PPP2R2D: variants seen among roughly 807,000 people sequenced by gnomAD.
The protein encoded by PPP2R2D is protein phosphatase 2 regulatory subunit Bdelta, also known as serine/threonine-protein phosphatase 2A 55 kDa regulatory subunit B delta isoform.
A neutral mutation model predicts 31.1 loss-of-function variants in PPP2R2D; 9 were observed. The ratio of observed to expected loss-of-function variants is 0.29; its 90% confidence interval spans 0.17 to 0.51. The LOEUF (loss-of-function observed/expected upper bound fraction) is 0.51. Ranked by LOEUF, PPP2R2D falls within the 20% of genes least tolerant of loss-of-function variation. PPP2R2D has a pLI of 0.98. For missense variants in PPP2R2D, 391 were observed against 465.6 expected (o/e 0.84, Z 1.48); for synonymous variants, 179 against 172.6 (o/e 1.04, Z -0.29).
Position 131,938,301 on chromosome 10 carries a change from C to T in PPP2R2D, c.199-1730C>T, listed in dbSNP as rs75278187. Among the ~76,000 whole-genome samples, 913 of 152,290 alleles carry T rather than the reference C, an allele frequency of 6.0e-3. 17 individuals are homozygous for T. The highest frequency in any genetic ancestry group is 0.021 in the African/African-American group (855 of 41,562). On this transcript the variant is annotated intron_variant, in intron 3 of 8. Coordinates refer to ENST00000455566, the MANE Select transcript of PPP2R2D (RefSeq NM_018461.5). Reference sequence around the variant, plus strand: ...AGCATATGTACTAAAGTGTTAAACACCTAAGATATTAGATATTGGTTATAG... The same window carrying T: ...AGCATATGTACTAAAGTGTTAAACATCTAAGATATTAGATATTGGTTATAG...
At position 131,947,485 on chromosome 10, in the gene PPP2R2D, C is replaced by T; in HGVS notation, c.821-45C>T. On this transcript the variant is annotated intron_variant, in intron 7 of 8. Transcript: ENST00000455566. This position sits in a 1 kb window ranked among gnomAD's most constrained non-coding sequence, Gnocchi z 4.3. Reference sequence around the variant, plus strand: ...CTTGAACTTGAAAATGATTTGTTCTCTGATTTTTAAACAGAAGCTGAAAAC... The same window carrying T: ...CTTGAACTTGAAAATGATTTGTTCTTTGATTTTTAAACAGAAGCTGAAAAC... 1.3e-6 allele frequency: 2 copies of T among 1,585,852 alleles called. No individual in the cohort carries two copies. Among genetic ancestry groups the T allele is most frequent in the South Asian group, 2.3e-5 (2 of 88,306 alleles).
intron 1 of PPP2R2D, 22 bp from the exon 2 acceptor site, chr10:131,901,216 G>C (rs1680551951): frequency 2.9e-6 from 1 of 345,538 alleles, no homozygotes; most frequent in East Asian, 4.3e-5. Context: ...CGGCCGGCCT[G>C]ACCGCCCCGT....
At chr10:131,968,237 TTATTTATATTCAGA>T in the PPP2R2D span, 3 of 233,348 alleles carry the variant, frequency 1.3e-5, no homozygotes, top group African/African-American at 2.2e-5. Context: ...TATATTAAAA[TTATTTATATTCAGA>T]TATTTATATC....
At chr10:131,948,932 C>A (rs1048962084) in intron 8 of PPP2R2D, among the ~76,000 whole-genome samples, 3 of 152,218 alleles carry the variant, frequency 2.0e-5, no homozygotes, top group Admixed American at 2.0e-4. Flanking sequence ...GTGGCCAGCA[C>A]TGCCCTGAGA....
intron 2 of PPP2R2D, among the ~76,000 whole-genome samples, chr10:131,931,860 TGGC>T (rs782268919): frequency 5.7e-4 from 86 of 152,158 alleles, no homozygotes; most frequent in Non-Finnish European, 9.3e-4. Flanking sequence ...CCCCTGGGGA[TGGC>T]GGCCGGTAGC....
At chr10:131,943,522 G>A (rs1363392961) in intron 5 of PPP2R2D, among the ~76,000 whole-genome samples, 3 of 152,154 alleles carry the variant, frequency 2.0e-5, no homozygotes, top group Non-Finnish European at 4.4e-5. Flanking sequence ...GGTTTGTGGG[G>A]TTTGCACCGA....
intron 2 of PPP2R2D, among the ~76,000 whole-genome samples, chr10:131,925,830 C>A (rs1435399988): frequency 7.2e-5 from 11 of 152,116 alleles, no homozygotes; most frequent in Non-Finnish European, 1.3e-4. Context: ...AGCAGGTTTC[C>A]CCCTCACAAA....
At chr10:131,915,546 G>T (rs974370713) in intron 2 of PPP2R2D, among the ~76,000 whole-genome samples, 1 of 152,142 alleles carries the variant, frequency 6.6e-6, no homozygotes, top group African/African-American at 2.4e-5. Context: ...CCCCAACTCC[G>T]TTGCCCGCAC....
At chr10:131,915,391 C>G (rs2035760262) in intron 2 of PPP2R2D, among the ~76,000 whole-genome samples, 1 of 152,058 alleles carries the variant, frequency 6.6e-6, no homozygotes, top group Non-Finnish European at 1.5e-5. Context: ...GGATAGGTTG[C>G]TTTTAGAATA....
chr10:131,957,689 C>G lies in PPP2R2D; in HGVS notation c.*1726C>G, dbSNP rs544418487. ...TGGAGATGAAGGGGTGTGCTGATCC[C>G]CCGTCCCCCTGTGGAGATGAAGGTG... is the stretch of plus-strand genomic sequence containing the variant. On this transcript the variant is annotated 3_prime_UTR_variant, in exon 9 of 9. Transcript: ENST00000455566. 3.5e-5 allele frequency: 6 copies of G among 169,734 alleles called. No homozygotes were observed. The East Asian group carries it at 5.8e-4, about 16-fold the overall frequency. The allele number at this position is 169,734 out of a possible 1,614,324, so 10.5% of individuals were successfully genotyped here.
chr10:131,960,161 C>T (rs560622457), downstream of PPP2R2D, among the ~76,000 whole-genome samples: 57 of 152,350 alleles, frequency 3.7e-4, no homozygotes, highest in South Asian at 0.011. Flanking sequence ...CACCTATGTC[C>T]GCAAAAAGCA....
chr10:131,924,786 C>T (rs1010025539), intron 2 of PPP2R2D, among the ~76,000 whole-genome samples: 7 of 149,578 alleles, frequency 4.7e-5, no homozygotes, highest in African/African-American at 1.7e-4. Flanking sequence ...GTTTTCCAAT[C>T]GTGACACAGG....
Position 131,945,762 on chromosome 10 carries a change from CT to C in PPP2R2D, c.820+307del, listed in dbSNP as rs2036527321. The C allele has an allele frequency of 7.0e-6, 2 of 286,572 alleles. No homozygotes were observed. The highest frequency in any genetic ancestry group is 4.7e-5 in the Admixed American group (1 of 21,130). The allele number at this position is 286,572 out of a possible 1,614,324, so 17.8% of individuals were successfully genotyped here. A position where few individuals can be genotyped will look rare whatever the true frequency, so the allele number is the denominator to read the frequency against. ...CACCGCACCTGGTCACGCCTGGCGT[CT>C]TTTAAAGCATCTCATTTAGAGCCAC... On this transcript the variant is annotated intron_variant, in intron 7 of 8. Transcript: ENST00000455566. The surrounding 1 kb of genome is among the most constrained non-coding windows in gnomAD (Gnocchi z 4.8).
chr10:131,934,598 C>T (rs782568385), intron 3 of PPP2R2D, 43 bp downstream of exon 3: 7 of 764,150 alleles, frequency 9.2e-6, no homozygotes, highest in Admixed American at 5.5e-5. Flanking sequence ...ATTATTCAAC[C>T]TTTCGCATAT....
intron 3 of PPP2R2D, among the ~76,000 whole-genome samples, chr10:131,937,094 C>T (rs1368452788): frequency 3.3e-5 from 5 of 152,164 alleles, no homozygotes; most frequent in East Asian, 1.9e-4. Context: ...GTCTTAGAAT[C>T]GAAGGAGCGT....
chr10:131,960,267 G>C (rs552811178), downstream of PPP2R2D, among the ~76,000 whole-genome samples: 1 of 152,340 alleles, frequency 6.6e-6, no homozygotes, highest in Admixed American at 6.5e-5. Flanking sequence ...GCTTAAAGTA[G>C]AACAGTGTCA....
chr10:131,933,594 C>T (rs944324823), intron 2 of PPP2R2D, among the ~76,000 whole-genome samples: 8 of 152,158 alleles, frequency 5.3e-5, no homozygotes, highest in African/African-American at 1.7e-4. Context: ...ATCCTCAGTC[C>T]GCACGCGACA....
intron 2 of PPP2R2D, among the ~76,000 whole-genome samples, chr10:131,914,854 G>A (rs569947828): frequency 1.2e-3 from 190 of 152,214 alleles, no homozygotes; most frequent in African/African-American, 4.4e-3. Flanking sequence ...GCACATTTCT[G>A]TATTATTTTA....
chr10:131,956,565 T>G lies in PPP2R2D; in HGVS notation c.*602T>G, dbSNP rs984699327. On this transcript the variant is annotated 3_prime_UTR_variant, in exon 9 of 9. Transcript: ENST00000455566. ...TTAAATCCAAACAGAAGTATTGTCTTTTTATTTAATTTTATTGCATAGAAT... is the reference window on the plus strand; with the variant it reads ...TTAAATCCAAACAGAAGTATTGTCTGTTTATTTAATTTTATTGCATAGAAT... The G allele has an allele frequency of 1.9e-5, 19 of 983,804 alleles. No homozygotes were observed. In the African/African-American group the frequency reaches 3.3e-4, roughly 17 times the overall value. 60.9% of individuals were successfully genotyped at this position (983,804 alleles called of 1,614,324 possible). A position where few individuals can be genotyped will look rare whatever the true frequency, so the allele number is the denominator to read the frequency against.
Sources: allele counts gnomAD v4.1 joint callset (sites outside exome capture counted in the v4.1 genomes callset), GRCh38; gene constraint gnomAD v4.1.1; non-coding constraint Gnocchi (gnomAD v3.1); transcripts MANE v1.5; gene names NCBI Gene and HGNC (gene_info 2026-07-23, HGNC 2026-07-21).